BICDL1: variants seen among roughly 807,000 people sequenced by gnomAD.
BICDL1 encodes the protein BICD family-like cargo adapter 1.
Under a neutral mutation model 76.8 loss-of-function variants are expected in BICDL1, and 20 were observed. The observed-to-expected ratio is 0.26, with a 90% confidence interval of 0.18 to 0.38. BICDL1 has a LOEUF of 0.38. BICDL1 is among the 10% of genes least tolerant of loss of function. The probability of loss-of-function intolerance (pLI) is 1.00; values close to 1 mark genes in which losing one functional copy is unlikely to be tolerated. For synonymous variants in BICDL1, 383 were observed against 337.1 expected, an observed-to-expected ratio of 1.14 and a Z score of -1.49; for missense variants, 700 against 798.6, an observed-to-expected ratio of 0.88 and a Z score of 1.49.
chr12:120,074,540 G>C lies in BICDL1; in HGVS notation c.1406G>C (p.Gly469Ala), dbSNP rs751677104. The change falls in exon 7 of 10, where the codon GGT becomes GCT. Residue 469 changes from glycine (G) to alanine (A), a missense_variant. Around this residue, in one of 3 missense-constraint regions of BICDL1, gnomAD observed 455 missense variants for 548.7 expected, o/e 0.83. Transcript: ENST00000548673. ...ALRELMEGER[G>A]KLRQSLEELQ... is the part of the protein sequence containing the mutation. ...AGGGAGCTCATGGAGGGAGAGAGGG[G>C]TAAACTGAGGCAAAGCCTAGAAGAG... is the stretch of plus-strand genomic sequence containing the variant. 2.3e-4 allele frequency: 297 copies of C among 1,274,658 alleles called. No homozygotes were observed. The highest frequency in any genetic ancestry group is 2.8e-4 in the Non-Finnish European group (277 of 981,266). The allele number at this position is 1,274,658 out of a possible 1,614,324, so 79.0% of individuals were successfully genotyped here. A position where few individuals can be genotyped will look rare whatever the true frequency, so the allele number is the denominator to read the frequency against.
rs1034775826 is a variant in BICDL1 at position 120,079,854 on chromosome 12, A to G, written c.1453-1033A>G. ...CCTCGCCTGGGGCTTTGCTGTGCTC[A>G]GAGCTGCAGTCCCTGGAAGGGGTTG... is the stretch of plus-strand genomic sequence containing the variant. On this transcript the variant is annotated intron_variant, in intron 7 of 9. Transcript: ENST00000548673. This position sits in a 1 kb window ranked among gnomAD's most constrained non-coding sequence, Gnocchi z 4.3. Among the ~76,000 whole-genome samples, 4 of 152,250 alleles carry G rather than the reference A, an allele frequency of 2.6e-5. No homozygotes were observed. The highest frequency in any genetic ancestry group is 5.9e-5 in the Non-Finnish European group (4 of 68,048).
intron 2 of BICDL1, among the ~76,000 whole-genome samples, chr12:120,002,762 A>G (rs1951782215): frequency 1.3e-5 from 2 of 152,222 alleles, no homozygotes; most frequent in African/African-American, 4.8e-5. Flanking sequence ...AGATGTATAA[A>G]TAAATGAACA....
At chr12:120,087,253 G>C (rs993336316) in intron 8 of BICDL1, among the ~76,000 whole-genome samples, 1 of 152,242 alleles carries the variant, frequency 6.6e-6, no homozygotes, top group East Asian at 1.9e-4. Flanking sequence ...TCCATTAGAC[G>C]GGCTCGGGTC....
chr12:120,048,576 A>ATT (rs1258584262), intron 2 of BICDL1, among the ~76,000 whole-genome samples: 1 of 151,934 alleles, frequency 6.6e-6, no homozygotes, highest in Non-Finnish European at 1.5e-5. Flanking sequence ...TTGCTTTTCC[A>ATT]TTTTTTCCCT....
chr12:120,070,531 T>G (rs1207291776), intron 4 of BICDL1, among the ~76,000 whole-genome samples: 1 of 152,146 alleles, frequency 6.6e-6, no homozygotes. Context: ...AAGTACTAAC[T>G]CTAAAAGATA....
chr12:120,088,265 A>G (rs1874602773), intron 8 of BICDL1, among the ~76,000 whole-genome samples: 1 of 152,148 alleles, frequency 6.6e-6, no homozygotes, highest in African/African-American at 2.4e-5. Context: ...CAAAACTAGT[A>G]TTATACTAGA....
intron 8 of BICDL1, among the ~76,000 whole-genome samples, chr12:120,085,646 C>T (rs576800910): frequency 1.3e-5 from 2 of 151,872 alleles, no homozygotes; most frequent in South Asian, 4.2e-4. Flanking sequence ...CCTGTCTCTA[C>T]TAAAAATACA....
intron 2 of BICDL1, among the ~76,000 whole-genome samples, chr12:120,010,810 C>T (rs147944880): frequency 6.6e-6 from 1 of 152,124 alleles, no homozygotes; most frequent in East Asian, 1.9e-4. Context: ...AAGCAGAGCC[C>T]CGGGGAAGTT....
At chr12:120,020,262 T>A (rs910174316) in intron 2 of BICDL1, among the ~76,000 whole-genome samples, 1 of 152,182 alleles carries the variant, frequency 6.6e-6, no homozygotes, top group Admixed American at 6.5e-5. Context: ...TTAAAACAGA[T>A]GAACTAATGG....
chr12:120,055,291 A>G lies in BICDL1; in HGVS notation c.646-6419A>G, dbSNP rs940103599. On this transcript the variant is annotated intron_variant, in intron 2 of 9. Transcript: ENST00000548673. ...ACTGGATACTCGTATAAATAATGCA[A>G]TTTCCTTCCCTCCATTTAACAAGAA... Among the ~76,000 whole-genome samples, 4 of 152,224 alleles carry G rather than the reference A, an allele frequency of 2.6e-5. No individual in the cohort carries two copies. The South Asian group carries it at 6.2e-4, about 24-fold the overall frequency.
At chr12:120,007,990 G>C (rs1951880821) in intron 2 of BICDL1, among the ~76,000 whole-genome samples, 1 of 152,096 alleles carries the variant, frequency 6.6e-6, no homozygotes, top group African/African-American at 2.4e-5. Flanking sequence ...CGTTTACAGA[G>C]GCTGGCAATT....
At position 120,081,077 on chromosome 12, in the gene BICDL1, T is replaced by C. The variant is rs1566266441; in HGVS notation, c.1583+60T>C. The C allele has an allele frequency of 3.9e-6, 6 of 1,533,268 alleles. No individual in the cohort carries two copies. In the East Asian group the frequency reaches 1.4e-4, roughly 36 times the overall value. 95.0% of individuals were successfully genotyped at this position (1,533,268 alleles called of 1,614,324 possible). ...AAAGTTGAGTATATAGAATTGAGCA[T>C]ATGCTCAATTTTTTAAATTAAATCA... On this transcript the variant is annotated intron_variant, in intron 8 of 9. Coordinates refer to ENST00000548673, the MANE Select transcript of BICDL1 (RefSeq NM_001367886.1).
chr12:120,016,072 C>A lies in BICDL1; in HGVS notation c.645+17336C>A, dbSNP rs571255167. Among the ~76,000 whole-genome samples, 6 of 152,330 alleles carry A rather than the reference C, an allele frequency of 3.9e-5. No homozygotes were observed. In the East Asian group the frequency reaches 1.2e-3, roughly 29 times the overall value. ...TTCAGTCTTCACTCCTGTCCCCACC[C>A]GCAGCCCCAGGAAAACACTGATCTG... On this transcript the variant is annotated intron_variant, in intron 2 of 9. Transcript: ENST00000548673.
At chr12:120,011,609 GATCCAGA>G (rs926003011) in intron 2 of BICDL1, among the ~76,000 whole-genome samples, 4 of 151,994 alleles carry the variant, frequency 2.6e-5, no homozygotes, top group African/African-American at 9.7e-5. Flanking sequence ...GTTATAACTT[GATCCAGA>G]ATCCCCAAAA....
chr12:120,080,754 A>G (rs1594210418), intron 7 of BICDL1, 133 bp from the exon 8 acceptor site: 1 of 818,774 alleles, frequency 1.2e-6, no homozygotes, highest in Non-Finnish European at 1.8e-6. Context: ...GCAGGATGGC[A>G]GTGGAATGCT....
At chr12:120,082,987 CGAATAGCTG>C (rs1275090188) in intron 8 of BICDL1, among the ~76,000 whole-genome samples, 10 of 152,228 alleles carry the variant, frequency 6.6e-5, no homozygotes, top group Non-Finnish European at 1.5e-4. Context: ...CTCAGCCTCC[CGAATAGCTG>C]GGATTACAGG....
At chr12:120,054,197 C>T (rs958460105) in intron 2 of BICDL1, among the ~76,000 whole-genome samples, 4 of 151,872 alleles carry the variant, frequency 2.6e-5, no homozygotes, top group Non-Finnish European at 4.4e-5. Context: ...CTCAGCCTCC[C>T]GAGTAGCTGG....
chr12:120,069,469 A>G (rs1566257396), intron 4 of BICDL1, among the ~76,000 whole-genome samples: 1 of 152,216 alleles, frequency 6.6e-6, no homozygotes, highest in Non-Finnish European at 1.5e-5. Flanking sequence ...GAAACTGGAA[A>G]GAACCCTGGA....
At chr12:120,032,053 C>T (rs1201450664) in intron 2 of BICDL1, among the ~76,000 whole-genome samples, 1 of 152,200 alleles carries the variant, frequency 6.6e-6, no homozygotes, top group African/African-American at 2.4e-5. Context: ...GATCACACTA[C>T]TGCACTCCAG....
Sources: gnomAD v4.1 joint callset for allele counts (sites outside exome capture counted in the v4.1 genomes callset) on GRCh38, gnomAD v4.1.1 for gene constraint, gnomAD v4.1.1 regional missense constraint, Gnocchi (gnomAD v3.1) non-coding constraint, MANE v1.5 for transcripts, NCBI Gene and HGNC (gene_info 2026-07-23, HGNC 2026-07-21) for gene names.